The following EDIL3 variants were observed in gnomAD, a reference collection of about 807,000 sequenced individuals.
EDIL3 encodes the protein EGF like and discoidin domains 3, also known as EGF-like repeat and discoidin I-like domain-containing protein 3.
In EDIL3, 37 loss-of-function variants were observed where a neutral mutation model predicts 67.4. That is an observed-to-expected ratio of 0.55 (90% CI 0.42 to 0.72). EDIL3 has a LOEUF of 0.72. Among genes scored for constraint, EDIL3 ranks in the 30% least tolerant of loss-of-function variants. EDIL3 has a pLI of 0.00. For missense variants in EDIL3, 527 were observed against 586.3 expected, an observed-to-expected ratio of 0.90 and a Z score of 1.04; for synonymous variants, 195 against 196.3, an observed-to-expected ratio of 0.99 and a Z score of 0.05.
intron 10 of EDIL3, among the ~76,000 whole-genome samples, chr5:83,957,316 C>T: frequency 6.6e-6 from 1 of 151,784 alleles, no homozygotes; most frequent in Non-Finnish European, 1.5e-5. Context: ...ACTGACAATT[C>T]CATTTTATTT....
At chr5:84,155,409 T>C (rs979832351) in intron 4 of EDIL3, among the ~76,000 whole-genome samples, 4 of 152,250 alleles carry the variant, frequency 2.6e-5, no homozygotes, top group African/African-American at 2.4e-5. Context: ...ATTTTTTCTA[T>C]ATCCAGATTT....
chr5:84,166,319 T>C (rs183511084), intron 4 of EDIL3, among the ~76,000 whole-genome samples: 22 of 152,296 alleles, frequency 1.4e-4, no homozygotes, highest in Admixed American at 1.3e-3. Flanking sequence ...TAAAGACACA[T>C]ACTATTTAAG....
At chr5:83,951,128 G>T (rs1339627786) in intron 10 of EDIL3, among the ~76,000 whole-genome samples, 1 of 151,454 alleles carries the variant, frequency 6.6e-6, no homozygotes, top group African/African-American at 2.4e-5. Flanking sequence ...GAACATTTTT[G>T]CTTGATGGGA....
intron 1 of EDIL3, among the ~76,000 whole-genome samples, chr5:84,287,209 T>C (rs1023626878): frequency 1.3e-5 from 2 of 152,166 alleles, no homozygotes; most frequent in East Asian, 3.8e-4. Flanking sequence ...ATAAAGAATA[T>C]ATAGTAATCT....
At position 83,987,869 on chromosome 5, in the gene EDIL3, G is replaced by GTATATATATATATATATA. The variant is rs34360330; in HGVS notation, c.1138-24527_1138-24510dup. Among the ~76,000 whole-genome samples the GTATATATATATATATATA allele has an allele frequency of 2.1e-3, 284 of 138,356 alleles. 4 individuals carry two copies. The highest frequency in any genetic ancestry group is 7.7e-3 in the African/African-American group (264 of 34,430). The allele number at this position is 138,356 out of a possible 152,430, so 90.8% of individuals were successfully genotyped here. ...CAGCTGATAGGGTGTGTGTGTGTATGTATATATATATATATATATATATAG... is the reference window on the plus strand; with the variant it reads ...CAGCTGATAGGGTGTGTGTGTGTATGTATATATATATATATATATATATATATATATATATATATATAG... On this transcript the variant is annotated intron_variant, in intron 9 of 10. Transcript: ENST00000296591.
intron 3 of EDIL3, among the ~76,000 whole-genome samples, chr5:84,206,711 C>T (rs1055651577): frequency 4.6e-5 from 7 of 152,032 alleles, no homozygotes; most frequent in African/African-American, 1.7e-4. Context: ...ATCAAGTGGG[C>T]TTCATCCCTG....
chr5:84,151,734 C>T (rs78170442), intron 4 of EDIL3, among the ~76,000 whole-genome samples: 2,539 of 152,092 alleles, frequency 0.017, 73 homozygotes, highest in African/African-American at 0.058. Flanking sequence ...AAAACTATAA[C>T]GGGGGTTAGC....
At chr5:84,250,990 A>T (rs1561235199) in intron 2 of EDIL3, among the ~76,000 whole-genome samples, 2 of 152,128 alleles carry the variant, frequency 1.3e-5, no homozygotes, top group Non-Finnish European at 2.9e-5. Flanking sequence ...AAATACCCAC[A>T]TGTGTTTTTT....
At chr5:84,013,903 TATATC>T (rs1157789361) in intron 9 of EDIL3, among the ~76,000 whole-genome samples, 1 of 152,170 alleles carries the variant, frequency 6.6e-6, no homozygotes, top group African/African-American at 2.4e-5. Flanking sequence ...CCAATTATAT[TATATC>T]ATATAGATTG....
intron 6 of EDIL3, among the ~76,000 whole-genome samples, chr5:84,092,772 A>G (rs1336310561): frequency 6.9e-6 from 1 of 145,660 alleles, no homozygotes; most frequent in Non-Finnish European, 1.5e-5. Context: ...TAAATCAAAC[A>G]TTTATTCTTT....
intron 5 of EDIL3, among the ~76,000 whole-genome samples, chr5:84,117,221 G>C (rs1255077735): frequency 6.6e-6 from 1 of 151,446 alleles, no homozygotes; most frequent in East Asian, 1.9e-4. Context: ...TAGTAGAGAC[G>C]GGGTTTCACC....
intron 4 of EDIL3, among the ~76,000 whole-genome samples, chr5:84,146,864 G>T (rs1189602231): frequency 1.3e-5 from 2 of 151,850 alleles, no homozygotes; most frequent in African/African-American, 4.8e-5. Flanking sequence ...TTCACCTTAT[G>T]TAAAAATGTT....
intron 3 of EDIL3, among the ~76,000 whole-genome samples, chr5:84,186,271 G>T (rs1420372906): frequency 6.6e-6 from 1 of 152,128 alleles, no homozygotes; most frequent in Non-Finnish European, 1.5e-5. Context: ...ATATAGTGTT[G>T]CTTATACTGG....
intron 1 of EDIL3, among the ~76,000 whole-genome samples, chr5:84,282,212 A>T (rs1745719626): frequency 1.3e-5 from 2 of 152,042 alleles, no homozygotes; most frequent in Admixed American, 1.3e-4. Context: ...ATACAGTTGT[A>T]AGTCTCTGTG....
At chr5:84,326,896 T>C (rs2112161365) in intron 1 of EDIL3, among the ~76,000 whole-genome samples, 1 of 152,102 alleles carries the variant, frequency 6.6e-6, no homozygotes, top group African/African-American at 2.4e-5. Context: ...AAAAATTTTT[T>C]CATCTCATTT....
chr5:84,087,547 C>T (rs1747094428), intron 6 of EDIL3, among the ~76,000 whole-genome samples: 1 of 152,180 alleles, frequency 6.6e-6, no homozygotes, highest in Admixed American at 6.5e-5. Flanking sequence ...AAAATATTCT[C>T]AGTCTTGGGG....
intron 3 of EDIL3, among the ~76,000 whole-genome samples, chr5:84,208,301 T>C (rs1178074323): frequency 6.6e-6 from 1 of 152,128 alleles, no homozygotes; most frequent in African/African-American, 2.4e-5. Flanking sequence ...GAAAAAATGC[T>C]CATCATCCCT....
rs370161891 is a variant in EDIL3 at position 84,345,152 on chromosome 5, G to A, written c.67+39156C>T. On this transcript the variant is annotated intron_variant, in intron 1 of 10. Transcript: ENST00000296591. Reference sequence around the variant, plus strand: ...TTTGTAACATCTCCCATTTCACCATGGAAGACATACTTAACCACTTAAATC... The same window carrying A: ...TTTGTAACATCTCCCATTTCACCATAGAAGACATACTTAACCACTTAAATC... 5.3e-5 allele frequency among the ~76,000 whole-genome samples: 8 copies of A among 152,096 alleles called. No individual in the cohort carries two copies. The East Asian group carries it at 9.7e-4, about 18-fold the overall frequency.
chr5:84,230,979 T>C (rs1039886142), intron 2 of EDIL3, among the ~76,000 whole-genome samples: 2 of 152,096 alleles, frequency 1.3e-5, no homozygotes, highest in Middle Eastern at 3.2e-3. Context: ...GAAAATACAA[T>C]TTTATCCTTG....
Sources: gnomAD v4.1 joint callset for allele counts (sites outside exome capture counted in the v4.1 genomes callset) on GRCh38, gnomAD v4.1.1 for gene constraint, MANE v1.5 for transcripts, NCBI Gene and HGNC (gene_info 2026-07-23, HGNC 2026-07-21) for gene names.